FAM78A: variants seen among roughly 807,000 people sequenced by gnomAD.
FAM78A encodes the protein protein FAM78A.
FAM78A carries 12 observed loss-of-function variants against 22.6 expected under a neutral mutation model. That is an observed-to-expected ratio of 0.53 (90% CI 0.34 to 0.86). FAM78A has a LOEUF of 0.86. FAM78A is among the 40% of genes least tolerant of loss of function. The probability of loss-of-function intolerance (pLI) is 0.02; values close to 1 mark genes in which losing one functional copy is unlikely to be tolerated. For missense variants in FAM78A, 322 were observed against 396.1 expected, an observed-to-expected ratio of 0.81 and a Z score of 1.59; for synonymous variants, 151 against 155.8, an observed-to-expected ratio of 0.97 and a Z score of 0.23.
chr9:131,276,360 T>G lies in FAM78A; in HGVS notation c.-181A>C. 1.8e-6 allele frequency: 1 copy of G among 544,408 alleles called. No individual in the cohort carries two copies. The allele number at this position is 544,408 out of a possible 1,614,324, so 33.7% of individuals were successfully genotyped here. A position where few individuals can be genotyped will look rare whatever the true frequency, so the allele number is the denominator to read the frequency against. ...TTCATGAGCCCTGGGCTCTCTCTTC[T>G]TCTCCTCGCAGTGGACAAAAATCAC... On this transcript the variant is annotated 5_prime_UTR_variant, in exon 1 of 2. Coordinates refer to ENST00000372271, the MANE Select transcript of FAM78A (RefSeq NM_033387.4). This position sits in a 1 kb window ranked among gnomAD's most constrained non-coding sequence, Gnocchi z 4.3.
At position 131,261,072 on chromosome 9, in the gene FAM78A, T is replaced by G. The variant is rs1412088211; in HGVS notation, c.602A>C (p.Asn201Thr). 2 of 1,614,106 alleles carry G rather than the reference T, an allele frequency of 1.2e-6. No homozygotes were observed. The highest frequency in any genetic ancestry group is 1.7e-6 in the Non-Finnish European group (2 of 1,180,002). The change falls in exon 2 of 2, where the codon AAC becomes ACC. Residue 201 changes from asparagine to threonine, a missense_variant. Transcript: ENST00000372271. This position sits in a 1 kb window ranked among gnomAD's most constrained non-coding sequence, Gnocchi z 7.1. ...CAGCGTCTGCAGGATGATCATGTCGTTGGTGGAGGTGTTGGTGGCCACCAG... is the reference window on the plus strand; with the variant it reads ...CAGCGTCTGCAGGATGATCATGTCGGTGGTGGAGGTGTTGGTGGCCACCAG... ...TWLVATNTST[N>T]DMIILQTLHW...
intron 1 of FAM78A, among the ~76,000 whole-genome samples, chr9:131,263,256 A>G (rs922443967): frequency 2.1e-5 from 3 of 143,944 alleles, no homozygotes; most frequent in East Asian, 2.1e-4. Context: ...AAAAAAAAAG[A>G]AAAAGAAAAG....
chr9:131,271,057 G>A (rs1231806305), intron 1 of FAM78A, among the ~76,000 whole-genome samples: 1 of 145,704 alleles, frequency 6.9e-6, no homozygotes, highest in African/African-American at 2.5e-5. Flanking sequence ...CCCAGCTGGA[G>A]TGCAGTGGTG....
intron 1 of FAM78A, among the ~76,000 whole-genome samples, chr9:131,267,920 C>T (rs1835364036): frequency 6.6e-6 from 1 of 152,100 alleles, no homozygotes; most frequent in African/African-American, 2.4e-5. Context: ...GGCGTGGTGG[C>T]AGGCACCTGT....
intron 1 of FAM78A, among the ~76,000 whole-genome samples, chr9:131,262,476 CAAAA>C (rs113855141): frequency 9.5e-6 from 1 of 105,658 alleles, no homozygotes. Flanking sequence ...ACTCTGTCTG[CAAAA>C]AAAAAAAAAA....
chr9:131,274,531 T>G lies in FAM78A; in HGVS notation c.323+1326A>C, dbSNP rs1835459006. Among the ~76,000 whole-genome samples, 1 of 152,140 alleles carries G rather than the reference T, an allele frequency of 6.6e-6. No individual in the cohort carries two copies. Among genetic ancestry groups the G allele is most frequent in the Non-Finnish European group, 1.5e-5 (1 of 68,022 alleles). Reference sequence around the variant, plus strand: ...AAATCAGGCTGGTGGAGAGGGCCGGTGAGAGCCTCTAGATGTGCCCCCCAT... The same window carrying G: ...AAATCAGGCTGGTGGAGAGGGCCGGGGAGAGCCTCTAGATGTGCCCCCCAT... On this transcript the variant is annotated intron_variant, in intron 1 of 1. Coordinates refer to ENST00000372271, the MANE Select transcript of FAM78A (RefSeq NM_033387.4). The surrounding 1 kb of genome is among the most constrained non-coding windows in gnomAD (Gnocchi z 4.2).
chr9:131,261,959 G>A lies in FAM78A; in HGVS notation c.324-609C>T, dbSNP rs1835276474. ...AATGCACTCCTGGCCGGGCGTGGTG[G>A]CTCACACCTGTAATCCCAGCACTTT... On this transcript the variant is annotated intron_variant, in intron 1 of 1. Transcript: ENST00000372271. The surrounding 1 kb of genome is among the most constrained non-coding windows in gnomAD (Gnocchi z 7.1). Among the ~76,000 whole-genome samples, 1 of 152,180 alleles carries A rather than the reference G, an allele frequency of 6.6e-6. No homozygotes were observed. Among genetic ancestry groups the A allele is most frequent in the Non-Finnish European group, 1.5e-5 (1 of 68,034 alleles).
Position 131,261,492 on chromosome 9 carries a change from G to A in FAM78A, c.324-142C>T. ...CCCGGTCCCCTTTGACGTTCTGGGG[G>A]CAGGGGGTCAGACAGTAGCTCGGAG... On this transcript the variant is annotated intron_variant, in intron 1 of 1. Coordinates refer to ENST00000372271, the MANE Select transcript of FAM78A (RefSeq NM_033387.4). The surrounding 1 kb of genome is among the most constrained non-coding windows in gnomAD (Gnocchi z 7.1). The A allele has an allele frequency of 2.9e-6, 2 of 697,886 alleles. No homozygotes were observed. Among genetic ancestry groups the A allele is most frequent in the East Asian group, 2.8e-5 (1 of 35,978 alleles). 43.2% of individuals were successfully genotyped at this position (697,886 alleles called of 1,614,324 possible).
At chr9:131,278,023 C>G (rs1260828556), upstream of FAM78A, among the ~76,000 whole-genome samples, 1 of 146,580 alleles carries the variant, frequency 6.8e-6, no homozygotes, top group African/African-American at 2.5e-5. Flanking sequence ...TCGCCGGCCC[C>G]GCGGGGATGC....
chr9:131,265,469 G>A lies in FAM78A; in HGVS notation c.324-4119C>T, dbSNP rs990796728. Among the ~76,000 whole-genome samples the A allele has an allele frequency of 5.3e-5, 8 of 152,020 alleles. No individual in the cohort carries two copies. In the East Asian group the frequency reaches 1.2e-3, roughly 22 times the overall value. Reference sequence around the variant, plus strand: ...TCACCGTGTTATTCAGGTTGGTCTCGAACTCCTGACCTCAGGTAACCCACC... The same window carrying A: ...TCACCGTGTTATTCAGGTTGGTCTCAAACTCCTGACCTCAGGTAACCCACC... On this transcript the variant is annotated intron_variant, in intron 1 of 1. Transcript: ENST00000372271. The surrounding 1 kb of genome is among the most constrained non-coding windows in gnomAD (Gnocchi z 4.3).
chr9:131,270,751 G>C lies in FAM78A; in HGVS notation c.323+5106C>G, dbSNP rs537479668. ...CCCGGCTTCAGGAAGAGGCCACGTG[G>C]TCAACAGGGACATTCCTCCATGGCC... On this transcript the variant is annotated intron_variant, in intron 1 of 1. Coordinates refer to ENST00000372271, the MANE Select transcript of FAM78A (RefSeq NM_033387.4). 1.9e-4 allele frequency among the ~76,000 whole-genome samples: 29 copies of C among 152,308 alleles called. No individual in the cohort carries two copies. In the South Asian group the frequency reaches 5.8e-3, roughly 30 times the overall value.
At chr9:131,280,941 A>G (rs1026797653), upstream of FAM78A, among the ~76,000 whole-genome samples, 7 of 152,170 alleles carry the variant, frequency 4.6e-5, no homozygotes, top group African/African-American at 1.7e-4. Flanking sequence ...GGCCTGGTGA[A>G]GAGGGAGGGG....
In FAM78A at chr9:131,265,562, T is replaced by G. The variant is rs894981514; in HGVS notation, c.324-4212A>C. 1.3e-4 allele frequency among the ~76,000 whole-genome samples: 19 copies of G among 151,706 alleles called. No homozygotes were observed. The highest frequency in any genetic ancestry group is 2.2e-4 in the Non-Finnish European group (15 of 67,910). ...CCATGCCCGGCCTAATTTTTATATT[T>G]TTTTAGTAGAGACGGAGTTTCACCA... On this transcript the variant is annotated intron_variant, in intron 1 of 1. Transcript: ENST00000372271. The surrounding 1 kb of genome is among the most constrained non-coding windows in gnomAD (Gnocchi z 4.3).
At chr9:131,270,700 G>A (rs1835408023) in intron 1 of FAM78A, among the ~76,000 whole-genome samples, 1 of 148,388 alleles carries the variant, frequency 6.7e-6, no homozygotes. Context: ...CTCCTCAATT[G>A]TTCTTTGCAC....
In FAM78A at chr9:131,258,988, G is replaced by A. The variant is rs1267152364; in HGVS notation, c.*1834C>T. The A allele has an allele frequency of 6.6e-6, 1 of 152,652 alleles. No individual in the cohort carries two copies. The allele number at this position is 152,652 out of a possible 1,614,324, so 9.5% of individuals were successfully genotyped here. On this transcript the variant is annotated 3_prime_UTR_variant, in exon 2 of 2. Transcript: ENST00000372271. ...ACGGCAGTGGCTAAACGGTCATTAA[G>A]CACCCCTTGAATAAACGCAATAGCC...
upstream of FAM78A, among the ~76,000 whole-genome samples, chr9:131,278,306 A>G (rs72770712): frequency 0.24 from 36,165 of 151,874 alleles, 4,772 homozygotes; most frequent in Non-Finnish European, 0.3. Flanking sequence ...TTTGAACTCT[A>G]TGGACCAGAG....
At chr9:131,273,159 C>T (rs1251159404) in intron 1 of FAM78A, among the ~76,000 whole-genome samples, 1 of 152,166 alleles carries the variant, frequency 6.6e-6, no homozygotes, top group Non-Finnish European at 1.5e-5. Flanking sequence ...TCCTCCTCTA[C>T]GTCTCAGCCA....
upstream of FAM78A, among the ~76,000 whole-genome samples, chr9:131,280,497 C>T (rs1329733833): frequency 6.6e-6 from 1 of 152,208 alleles, no homozygotes; most frequent in Non-Finnish European, 1.5e-5. Context: ...TCTCAGGACC[C>T]TTTCCCCTCC....
upstream of FAM78A, among the ~76,000 whole-genome samples, chr9:131,277,646 G>A (rs1049269992): frequency 6.6e-6 from 1 of 151,464 alleles, no homozygotes; most frequent in African/African-American, 2.4e-5. The surrounding 1 kb of genome is among the most constrained non-coding windows in gnomAD (Gnocchi z 8.4). Flanking sequence ...CCCCTTCCCC[G>A]GGCACTGTCC....
Sources: allele counts gnomAD v4.1 joint callset (sites outside exome capture counted in the v4.1 genomes callset), GRCh38; gene constraint gnomAD v4.1.1; non-coding constraint Gnocchi (gnomAD v3.1); transcripts MANE v1.5; gene names NCBI Gene and HGNC (gene_info 2026-07-23, HGNC 2026-07-21).